Variants in NEK10 observed in about 807,000 individuals in gnomAD.
NEK10 encodes NIMA related kinase 10.
Under a neutral mutation model 159.8 loss-of-function variants are expected in NEK10, and 122 were observed. The observed-to-expected ratio is 0.76, with a 90% CI of 0.66 to 0.89. The LOEUF (loss-of-function observed/expected upper bound fraction) is 0.89, where lower values mean the gene tolerates loss of function less well. NEK10 is among the 40% of genes least tolerant of loss of function. The pLI is 0.00. For synonymous variants in NEK10, 466 were observed against 457.1 expected (o/e 1.02, Z -0.25); for missense variants, 1,342 against 1,323.1 (o/e 1.01, Z -0.22).
Position 27,201,510 on chromosome 3 carries a change from C to T in NEK10, c.2291G>A (p.Arg764Lys). ...TGTCTGAAGCCGCAAGACTAATTACCTGCTGATGGTGTCTGTTACTTTTTC... is the reference window on the plus strand; with the variant it reads ...TGTCTGAAGCCGCAAGACTAATTACTTGCTGATGGTGTCTGTTACTTTTTC... Reference protein sequence around the residue: ...YSEKVTDTISRCLTPDAEARP... With the variant: ...YSEKVTDTISKCLTPDAEARP... Residue 764 changes from arginine (R) to lysine (K), a missense_variant and splice_region_variant, in exon 25 of 36, where the codon AGG becomes AAG. Transcript: ENST00000691995. 1 of 1,613,324 alleles carries T rather than the reference C, an allele frequency of 6.2e-7. No homozygotes were observed. Among genetic ancestry groups the T allele is most frequent in the Non-Finnish European group, 8.5e-7 (1 of 1,179,530 alleles).
chr3:27,323,574 T>C (rs1361573001), intron 5 of NEK10, among the ~76,000 whole-genome samples: 1 of 151,726 alleles, frequency 6.6e-6, no homozygotes, highest in Non-Finnish European at 1.5e-5. Flanking sequence ...AAACTGAAGG[T>C]GTATTTGCCA....
chr3:27,335,261 A>C (rs1179213857), intron 5 of NEK10, among the ~76,000 whole-genome samples: 2 of 151,428 alleles, frequency 1.3e-5, no homozygotes, highest in East Asian at 3.9e-4. Flanking sequence ...ATTCGCTTGA[A>C]CCTGGGAGTT....
At chr3:27,215,446 T>A (rs534922045) in intron 23 of NEK10, among the ~76,000 whole-genome samples, 6 of 152,340 alleles carry the variant, frequency 3.9e-5, no homozygotes, top group African/African-American at 9.6e-5. Context: ...TTATACAATA[T>A]GAAAATGACC....
Position 27,307,787 on chromosome 3 carries a change from A to G in NEK10, c.803+72T>C, listed in dbSNP as rs573628024. The G allele has an allele frequency of 1.3e-5, 10 of 772,282 alleles. No individual in the cohort carries two copies. In the African/African-American group the frequency reaches 1.6e-4, roughly 12 times the overall value. The allele number at this position is 772,282 out of a possible 1,614,324, so 47.8% of individuals were successfully genotyped here. A position where few individuals can be genotyped will look rare whatever the true frequency, so the allele number is the denominator to read the frequency against. On this transcript the variant is annotated intron_variant, in intron 11 of 35. Transcript: ENST00000691995. The stretch of plus-strand genomic sequence containing the variant: ...GTTACAATGTAAATAACATGACGTA[A>G]TAAAAATAATAACAAGTGTATCTGT...
At chr3:27,206,177 G>C (rs780352376) in intron 23 of NEK10, among the ~76,000 whole-genome samples, 23 of 152,246 alleles carry the variant, frequency 1.5e-4, no homozygotes, top group African/African-American at 5.3e-4. Flanking sequence ...CAAGCATTCA[G>C]TTTGTAGCAG....
chr3:27,303,009 A>T (rs1392888624), intron 12 of NEK10, among the ~76,000 whole-genome samples: 1 of 152,192 alleles, frequency 6.6e-6, no homozygotes, highest in Non-Finnish European at 1.5e-5. Flanking sequence ...TCCAGCCACA[A>T]GACAGCCTGG....
intron 32 of NEK10, among the ~76,000 whole-genome samples, chr3:27,124,176 G>T (rs1941664143): frequency 6.6e-6 from 1 of 152,098 alleles, no homozygotes; most frequent in African/African-American, 2.4e-5. Context: ...CTGGATCCCA[G>T]AGTTTAGATG....
chr3:27,290,146 C>CA (rs1339988328), intron 19 of NEK10, among the ~76,000 whole-genome samples: 1 of 152,178 alleles, frequency 6.6e-6, no homozygotes, highest in East Asian at 1.9e-4. Context: ...TACATTATAT[C>CA]AGAGTATTCT....
chr3:27,282,644 A>G (rs1575580923), intron 22 of NEK10, among the ~76,000 whole-genome samples: 1 of 144,768 alleles, frequency 6.9e-6, no homozygotes, highest in East Asian at 2.0e-4. Flanking sequence ...ACTGTGTTAT[A>G]TATATACATA....
chr3:27,291,156 G>T, intron 18 of NEK10, 106 bp downstream of exon 18: 1 of 1,022,976 alleles, frequency 9.8e-7, no homozygotes, highest in South Asian at 1.7e-5. Context: ...ATATCTGTTT[G>T]CTATTTTTCA....
intron 9 of NEK10, chr3:27,309,474 C>T (rs1337462090): frequency 6.6e-6 from 1 of 152,282 alleles, no homozygotes; most frequent in Non-Finnish European, 1.5e-5. Context: ...TTACAGATGG[C>T]AGGAGTCCAT....
At chr3:27,152,595 C>T (rs1032886720) in intron 30 of NEK10, among the ~76,000 whole-genome samples, 2 of 149,984 alleles carry the variant, frequency 1.3e-5, no homozygotes, top group African/African-American at 4.9e-5. Context: ...AAAGCAAAAC[C>T]AAAAAACAAA....
chr3:27,297,252 ACAAT>A lies in NEK10; in HGVS notation c.1169-16_1169-13del. The A allele has an allele frequency of 6.3e-7, 1 of 1,590,782 alleles. No individual in the cohort carries two copies. On this transcript the variant is annotated splice_polypyrimidine_tract_variant and intron_variant, in intron 13 of 35. Transcript: ENST00000691995. ...GGCAGCACAGCAGGCTGGAATGACA[ACAAT>A]CAAATGCATAGTGTGCATCATTACA...
chr3:27,350,462 G>C (rs1465153506), intron 3 of NEK10, among the ~76,000 whole-genome samples: 1 of 152,052 alleles, frequency 6.6e-6, no homozygotes, highest in Non-Finnish European at 1.5e-5. Flanking sequence ...AAGGAGAACA[G>C]GGTAACATTT....
At chr3:27,258,887 C>T (rs1178401688) in intron 22 of NEK10, among the ~76,000 whole-genome samples, 4 of 152,104 alleles carry the variant, frequency 2.6e-5, no homozygotes, top group African/African-American at 7.2e-5. Context: ...CCTGTTGTTT[C>T]CTGACTTTTT....
intron 35 of NEK10, among the ~76,000 whole-genome samples, chr3:27,111,824 A>G (rs1939592951): frequency 6.6e-6 from 1 of 152,188 alleles, no homozygotes; most frequent in African/African-American, 2.4e-5. Flanking sequence ...ACAAACAACA[A>G]TGATAAAATT....
At chr3:27,216,934 T>C (rs1195461763) in intron 23 of NEK10, among the ~76,000 whole-genome samples, 1 of 152,220 alleles carries the variant, frequency 6.6e-6, no homozygotes, top group African/African-American at 2.4e-5. Flanking sequence ...AAACTATAAT[T>C]GTACAAGCTG....
chr3:27,184,347 T>A (rs1948415359), intron 26 of NEK10, among the ~76,000 whole-genome samples: 1 of 152,214 alleles, frequency 6.6e-6, no homozygotes, highest in African/African-American at 2.4e-5. Flanking sequence ...TTGATTTAAA[T>A]GAAGTCAAAC....
chr3:27,321,165 TAA>T (rs11456881), intron 6 of NEK10, among the ~76,000 whole-genome samples: 2 of 147,256 alleles, frequency 1.4e-5, no homozygotes, highest in African/African-American at 2.5e-5. Context: ...CTTTTTCAGT[TAA>T]AAAAAAAAAA....
Sources: gnomAD v4.1 joint callset for allele counts (sites outside exome capture counted in the v4.1 genomes callset) on GRCh38, gnomAD v4.1.1 for gene constraint, MANE v1.5 for transcripts, NCBI Gene and HGNC (gene_info 2026-07-23, HGNC 2026-07-21) for gene names.